Variants in PDPN observed in about 807,000 individuals in gnomAD.
PDPN encodes the protein PA2.26 antigen.
A neutral mutation model predicts 23.2 loss-of-function variants in PDPN; 12 were observed. The ratio of observed to expected loss-of-function variants is 0.52; its 90% CI spans 0.33 to 0.84. The LOEUF (loss-of-function observed/expected upper bound fraction) is 0.84. Among genes scored for constraint, PDPN ranks in the 40% least tolerant of loss-of-function variants. The pLI, the probability that PDPN is intolerant of heterozygous loss-of-function variation, is 0.02. For synonymous variants in PDPN, 77 were observed against 76.7 expected, an observed-to-expected ratio of 1.00 and a Z score of -0.02; for missense variants, 199 against 212.2, an observed-to-expected ratio of 0.94 and a Z score of 0.39.
Position 13,597,487 on chromosome 1 carries a change from G to A in PDPN, c.68-9686G>A, listed in dbSNP as rs115491707. On this transcript the variant is annotated intron_variant, in intron 1 of 5. Transcript: ENST00000621990. ...ATGCTGTAGAAACGGCTTCTCCAGCGTTCAGATTAGGGAGCTGCAGGTCTG... is the reference window on the plus strand; with the variant it reads ...ATGCTGTAGAAACGGCTTCTCCAGCATTCAGATTAGGGAGCTGCAGGTCTG... Among the ~76,000 whole-genome samples the A allele has an allele frequency of 2.5e-3, 374 of 152,268 alleles. 4 individuals carry two copies. Among genetic ancestry groups the A allele is most frequent in the African/African-American group, 8.6e-3 (356 of 41,546 alleles).
rs189031952 is a variant in PDPN, at chr1:13,595,288, A to G, written c.67+11188A>G. On this transcript the variant is annotated intron_variant, in intron 1 of 5. Coordinates refer to ENST00000621990, the MANE Select transcript of PDPN (RefSeq NM_006474.5). ...TGGTGTGGCTGTGAGCAAAACATCA[A>G]TATTCAATTTGTCTAGTGACTTAAT... Among the ~76,000 whole-genome samples the G allele has an allele frequency of 1.9e-3, 288 of 152,308 alleles. 1 individual carries two copies. The highest frequency in any genetic ancestry group is 5.8e-3 in the African/African-American group (240 of 41,568).
intron 3 of PDPN, among the ~76,000 whole-genome samples, chr1:13,612,228 GTAATTTTA>G (rs560117447): frequency 7.9e-5 from 12 of 152,228 alleles, no homozygotes; most frequent in African/African-American, 2.9e-4. Flanking sequence ...TTTTGAAGGG[GTAATTTTA>G]TTAGGGCAGC....
At position 13,614,331 on chromosome 1, in the gene PDPN, C is replaced by A; in HGVS notation, c.402C>A (p.Ile134=). 6.2e-7 allele frequency: 1 copy of A among 1,606,366 alleles called. No individual in the cohort carries two copies. The highest frequency in any genetic ancestry group is 8.5e-7 in the Non-Finnish European group (1 of 1,173,006). The change falls in exon 5 of 6, where the codon ATC becomes ATA. Residue 134 remains isoleucine (I), a synonymous_variant. Coordinates refer to ENST00000621990, the MANE Select transcript of PDPN (RefSeq NM_006474.5). ...TGTCAACAGTGACCCTGGTTGGAATCATAGTTGGGGTCTTACTAGCCATCG... is the reference window on the plus strand; with the variant it reads ...TGTCAACAGTGACCCTGGTTGGAATAATAGTTGGGGTCTTACTAGCCATCG... ...DGLSTVTLVG[I]IVGVLLAIGF...
intron 1 of PDPN, among the ~76,000 whole-genome samples, chr1:13,587,296 T>C (rs1031979658): frequency 6.6e-6 from 1 of 152,212 alleles, no homozygotes; most frequent in Non-Finnish European, 1.5e-5. Context: ...GATGCAGAAT[T>C]TGAACTGTAT....
chr1:13,612,620 C>T (rs182712525), intron 3 of PDPN, among the ~76,000 whole-genome samples: 3 of 152,166 alleles, frequency 2.0e-5, no homozygotes, highest in Admixed American at 1.3e-4. Context: ...TGAGCTCTTA[C>T]GTGCTCTATA....
chr1:13,614,255 A>T (rs759950438), intron 4 of PDPN, 45 bp from the exon 5 acceptor site: 3 of 1,001,000 alleles, frequency 3.0e-6, no homozygotes, highest in Non-Finnish European at 4.7e-6. Context: ...TCACCGATGT[A>T]TTTTTTCCTC....
chr1:13,585,765 G>T lies in PDPN; in HGVS notation c.67+1665G>T. 6.4e-6 allele frequency: 4 copies of T among 620,692 alleles called. No individual in the cohort carries two copies. The East Asian group carries it at 2.2e-4, about 34-fold the overall frequency. The allele number at this position is 620,692 out of a possible 1,614,324, so 38.4% of individuals were successfully genotyped here. A position where few individuals can be genotyped will look rare whatever the true frequency, so the allele number is the denominator to read the frequency against. On this transcript the variant is annotated intron_variant, in intron 1 of 5. Transcript: ENST00000621990. ...TGGGTGCTGAGTTGCCTGGCTGCCA[G>T]AGGAGCAGAGGCCCAGCAGGGTTTT...
chr1:13,610,299 C>T, intron 2 of PDPN, 88 bp from the exon 3 acceptor site: 2 of 1,107,326 alleles, frequency 1.8e-6, no homozygotes, highest in South Asian at 1.5e-5. Flanking sequence ...TATTTTTATG[C>T]CACCTTAAAT....
At position 13,612,769 on chromosome 1, in the gene PDPN, C is replaced by G. The variant is rs147729297; in HGVS notation, c.332-918C>G. On this transcript the variant is annotated intron_variant, in intron 3 of 5. Transcript: ENST00000621990. Reference sequence around the variant, plus strand: ...AAACCCAACCATTAGAAAAAGTAGGCATCTTTTACATGATAGTTGGCTAGT... The same window carrying G: ...AAACCCAACCATTAGAAAAAGTAGGGATCTTTTACATGATAGTTGGCTAGT... Among the ~76,000 whole-genome samples, 6 of 152,220 alleles carry G rather than the reference C, an allele frequency of 3.9e-5. No individual in the cohort carries two copies. In the East Asian group the frequency reaches 1.2e-3, roughly 29 times the overall value.
At chr1:13,606,071 C>A (rs191383943) in intron 1 of PDPN, among the ~76,000 whole-genome samples, 54 of 151,954 alleles carry the variant, frequency 3.6e-4, no homozygotes, top group African/African-American at 1.2e-3. Context: ...CTTACTGTAA[C>A]CCCTGCTTCC....
intron 1 of PDPN, among the ~76,000 whole-genome samples, chr1:13,601,976 TGCCTTTG>T (rs1640652190): frequency 1.9e-5 from 1 of 52,274 alleles, no homozygotes; most frequent in Non-Finnish European, 3.4e-5. Context: ...CGGTGGCTCA[TGCCTTTG>T]GGTGGCTCAT....
rs765750705 is a variant in PDPN at position 13,610,415 on chromosome 1, G to A, written c.230G>A (p.Gly77Asp). The A allele has an allele frequency of 3.1e-6, 5 of 1,613,664 alleles. No individual in the cohort carries two copies. The African/African-American group carries it at 5.3e-5, about 17-fold the overall frequency. ...GCAACAAGTGTCAACAGTGTAACAGGCATTCGCATCGAGGATCTGCCAACT... is the reference window on the plus strand; with the variant it reads ...GCAACAAGTGTCAACAGTGTAACAGACATTCGCATCGAGGATCTGCCAACT... ...LVATSVNSVT[G>D]IRIEDLPTSE... Residue 77 changes from glycine (G) to aspartate (D), a missense_variant, in exon 3 of 6, where the codon GGC becomes GAC. Coordinates refer to ENST00000621990, the MANE Select transcript of PDPN (RefSeq NM_006474.5).
intron 1 of PDPN, among the ~76,000 whole-genome samples, chr1:13,584,552 C>A (rs1049721974): frequency 6.6e-6 from 1 of 152,250 alleles, no homozygotes; most frequent in Non-Finnish European, 1.5e-5. Flanking sequence ...GGGAGGGTTC[C>A]CCGCCCTGCG....
At chr1:13,584,656 A>T (rs1197725907) in intron 1 of PDPN, among the ~76,000 whole-genome samples, 1 of 152,202 alleles carries the variant, frequency 6.6e-6, no homozygotes, top group Non-Finnish European at 1.5e-5. Context: ...GGCCTCCTTT[A>T]TCCTCTTTAG....
In PDPN at chr1:13,588,982, C is replaced by CTACTATTCAATAAATTGAATAGTGA. The variant is rs1640261091; in HGVS notation, c.67+4897_67+4898insTGAATAGTGATACTATTCAATAAAT. ...ACCCGGCCAACAATTCATTGAATAG[C>CTACTATTCAATAAATTGAATAGTGA]TACTATTCAATAAATATTTATTGAA... is the stretch of plus-strand genomic sequence containing the variant. On this transcript the variant is annotated intron_variant, in intron 1 of 5. Coordinates refer to ENST00000621990, the MANE Select transcript of PDPN (RefSeq NM_006474.5). Among the ~76,000 whole-genome samples the CTACTATTCAATAAATTGAATAGTGA allele has an allele frequency of 1.1e-4, 16 of 152,004 alleles. 3 individuals carry two copies. In the South Asian group the frequency reaches 3.3e-3, roughly 32 times the overall value.
chr1:13,615,483 T>C (rs1046126846), intron 5 of PDPN, among the ~76,000 whole-genome samples: 8 of 152,044 alleles, frequency 5.3e-5, no homozygotes, highest in Non-Finnish European at 1.0e-4. Context: ...AGATAGGGTT[T>C]CACCATGTTG....
chr1:13,585,901 A>C (rs370548512), intron 1 of PDPN, among the ~76,000 whole-genome samples: 1 of 152,174 alleles, frequency 6.6e-6, no homozygotes, highest in East Asian at 1.9e-4. Flanking sequence ...TATGGTGATG[A>C]ATTTTATGAT....
chr1:13,595,200 G>A (rs1640462260), intron 1 of PDPN, among the ~76,000 whole-genome samples: 2 of 152,176 alleles, frequency 1.3e-5, no homozygotes, highest in African/African-American at 2.4e-5. Flanking sequence ...GGATAGATCT[G>A]ATTGAGAGAT....
intron 4 of PDPN, among the ~76,000 whole-genome samples, 167 bp downstream of exon 4, chr1:13,613,892 A>G (rs531858761): frequency 2.1e-4 from 27 of 125,786 alleles, no homozygotes; most frequent in African/African-American, 7.9e-4. Flanking sequence ...TTTTTTTTTT[A>G]AAGAGAGAAA....
Sources: gnomAD v4.1 joint callset for allele counts (sites outside exome capture counted in the v4.1 genomes callset) on GRCh38, gnomAD v4.1.1 for gene constraint, MANE v1.5 for transcripts, NCBI Gene and HGNC (gene_info 2026-07-23, HGNC 2026-07-21) for gene names.